CCAR2: variants seen among roughly 807,000 people sequenced by gnomAD.
The protein encoded by CCAR2 is cell cycle and apoptosis regulator 2.
Under a neutral mutation model 108.1 loss-of-function variants are expected in CCAR2, and 21 were observed. The observed-to-expected ratio is 0.19, with a 90% CI of 0.14 to 0.28. The LOEUF is 0.28. CCAR2 is among the 10% of genes least tolerant of loss of function. CCAR2 has a pLI of 1.00. For synonymous variants in CCAR2, 577 were observed against 472.8 expected, an observed-to-expected ratio of 1.22 and a Z score of -2.86; for missense variants, 1,126 against 1,177.0, an observed-to-expected ratio of 0.96 and a Z score of 0.63.
rs1563921037 is a variant in CCAR2, at chr8:22,615,728, C to G, written c.1424C>G (p.Ala475Gly). The G allele has an allele frequency of 1.9e-6, 3 of 1,613,810 alleles. No individual in the cohort carries two copies. The highest frequency in any genetic ancestry group is 1.7e-5 in the Admixed American group (1 of 60,018). ...EQAPDALEQA[A>G]DTSRRNAETP... ...GCACCTGATGCCTTGGAGCAAGCAG[C>G]AGACACTTCTAGACGGAACGCAGAA... The change falls in exon 13 of 21, where the codon GCA (alanine) becomes GGA (glycine). Residue 475 changes from alanine to glycine, a missense_variant. Coordinates refer to ENST00000308511, the MANE Select transcript of CCAR2 (RefSeq NM_001393997.1).
chr8:22,619,879 C>A lies in CCAR2; in HGVS notation c.*197C>A, dbSNP rs1801696083. The A allele has an allele frequency of 1.7e-6, 1 of 598,970 alleles. No homozygotes were observed. Among genetic ancestry groups the A allele is most frequent in the Admixed American group, 2.9e-5 (1 of 34,496 alleles). 37.1% of individuals were successfully genotyped at this position (598,970 alleles called of 1,614,324 possible). On this transcript the variant is annotated 3_prime_UTR_variant, in exon 21 of 21. Transcript: ENST00000308511. Reference sequence around the variant, plus strand: ...ATGTGGGATGGATGTGTGAGGAACCCCGGTTCCACTTAACAACTAAATACA... The same window carrying A: ...ATGTGGGATGGATGTGTGAGGAACCACGGTTCCACTTAACAACTAAATACA...
At chr8:22,619,567 C>T (rs1033621716) in intron 20 of CCAR2, 71 bp from the exon 21 acceptor site, 65 of 1,355,190 alleles carry the variant, frequency 4.8e-5, no homozygotes, top group Non-Finnish European at 6.3e-5. Flanking sequence ...CAGCAGGAGG[C>T]AGTCCGCAGT....
At position 22,617,534 on chromosome 8, in the gene CCAR2, C is replaced by T. The variant is rs372091834; in HGVS notation, c.1960C>T (p.Leu654Phe). The T allele has an allele frequency of 1.2e-6, 2 of 1,601,652 alleles. No individual in the cohort carries two copies. Among genetic ancestry groups the T allele is most frequent in the Non-Finnish European group, 1.7e-6 (2 of 1,173,408 alleles). The change falls in exon 15 of 21, where the codon CTT becomes TTT. Residue 654 changes from leucine to phenylalanine, a missense_variant. Transcript: ENST00000308511. Reference sequence around the variant, plus strand: ...GATGGCCCTGGACCCAGAACTGTTGCTTCTGAGGGATGATGGAGAGGAGGA... The same window carrying T: ...GATGGCCCTGGACCCAGAACTGTTGTTTCTGAGGGATGATGGAGAGGAGGA... ...CEMALDPELL[L>F]LRDDGEEEFA...
intron 7 of CCAR2, among the ~76,000 whole-genome samples, chr8:22,608,526 C>T (rs1801164851): frequency 6.6e-6 from 1 of 152,148 alleles, no homozygotes; most frequent in African/African-American, 2.4e-5. Context: ...TGCACTCTGC[C>T]TGGGAGTTCA....
chr8:22,618,188 T>G, intron 16 of CCAR2, 161 bp from the exon 17 acceptor site: 1 of 891,186 alleles, frequency 1.1e-6, no homozygotes, highest in Non-Finnish European at 1.8e-6. Flanking sequence ...ACTCCTGGGT[T>G]CAAGTGATTC....
In CCAR2 at chr8:22,615,819, A is replaced by G. The variant is rs942846555; in HGVS notation, c.1515A>G (p.Leu505=). 4 of 1,613,952 alleles carry G rather than the reference A, an allele frequency of 2.5e-6. No individual in the cohort carries two copies. The highest frequency in any genetic ancestry group is 3.3e-5 in the Admixed American group (2 of 60,016). ...TDLPEAPPPP[L]EPAVIARPGC... is the part of the protein sequence containing the mutation. ...TCCCAGAGGCCCCTCCACCCCCCCT[A>G]GAACCTGCTGTCATCGCACGCCCTG... is the stretch of plus-strand genomic sequence containing the variant. The change falls in exon 13 of 21, where the codon CTA becomes CTG. Residue 505 remains leucine (L), a synonymous_variant. Coordinates refer to ENST00000308511, the MANE Select transcript of CCAR2 (RefSeq NM_001393997.1).
chr8:22,608,152 A>G (rs1438810318), intron 7 of CCAR2, 87 bp downstream of exon 7: 4 of 1,100,862 alleles, frequency 3.6e-6, no homozygotes, highest in Non-Finnish European at 4.0e-6. Context: ...TTGGCCAGGA[A>G]GTGAACCCAG....
rs1563920406 is a variant in CCAR2 at position 22,615,513 on chromosome 8, A to G, written c.1294A>G (p.Ile432Val). 1 of 1,613,988 alleles carries G rather than the reference A, an allele frequency of 6.2e-7. No individual in the cohort carries two copies. The highest frequency in any genetic ancestry group is 8.5e-7 in the Non-Finnish European group (1 of 1,180,018). ...GGTGTACCTGCCGGATGTCTGGACCATCATGCCTACTTTGGAGGAGTGGGA... is the reference window on the plus strand; with the variant it reads ...GGTGTACCTGCCGGATGTCTGGACCGTCATGCCTACTTTGGAGGAGTGGGA... ...VVVYLPDVWT[I>V]MPTLEEWEAL... Residue 432 changes from isoleucine to valine, a missense_variant, in exon 12 of 21, where the codon ATC (isoleucine) becomes GTC (valine). By Grantham distance (29) the Ile-to-Val change is conservative (BLOSUM62 3). Around this residue, in one of 4 missense-constraint regions of CCAR2, gnomAD observed 1,013 missense variants for 993.9 expected, o/e 1.02. Transcript: ENST00000308511.
rs1563899859 is a variant in CCAR2 at position 22,604,851 on chromosome 8, G to C, written c.-39+9G>C. 2.2e-6 allele frequency: 1 copy of C among 452,738 alleles called. No homozygotes were observed. The highest frequency in any genetic ancestry group is 4.4e-6 in the Non-Finnish European group (1 of 225,630). The allele number at this position is 452,738 out of a possible 1,614,324, so 28.0% of individuals were successfully genotyped here. A position where few individuals can be genotyped will look rare whatever the true frequency, so the allele number is the denominator to read the frequency against. ...GCTGCCCTGGCCCGCAGGTGGGTTGGGGGGCCCCCTGCCGCCCCTCTGCCC... is the reference window on the plus strand; with the variant it reads ...GCTGCCCTGGCCCGCAGGTGGGTTGCGGGGCCCCCTGCCGCCCCTCTGCCC... On this transcript the variant is annotated intron_variant, in intron 1 of 20. Transcript: ENST00000308511.
intron 7 of CCAR2, among the ~76,000 whole-genome samples, chr8:22,611,416 A>ATGTGTGTG (rs1563912430): frequency 6.9e-5 from 4 of 58,392 alleles, no homozygotes; most frequent in Non-Finnish European, 1.0e-4. Context: ...ATGTGTGTGT[A>ATGTGTGTG]TATATGTGTG....
chr8:22,613,272 G>A (rs1381889916), intron 8 of CCAR2, 136 bp downstream of exon 8: 17 of 902,354 alleles, frequency 1.9e-5, no homozygotes, highest in Admixed American at 4.1e-5. Context: ...ATGGAAACCT[G>A]TTGTACATAC....
Position 22,619,362 on chromosome 8 carries a change from T to C in CCAR2, c.2727+7T>C. On this transcript the variant is annotated splice_region_variant and intron_variant, in intron 20 of 20. Coordinates refer to ENST00000308511, the MANE Select transcript of CCAR2 (RefSeq NM_001393997.1). ...CCAGCGGGTGGTGGAAAAGGTAAGG[T>C]GGGGGTGGACCAGGAGGCAGCACAG... The C allele has an allele frequency of 1.3e-6, 2 of 1,554,754 alleles. No homozygotes were observed. Among genetic ancestry groups the C allele is most frequent in the South Asian group, 2.4e-5 (2 of 84,430 alleles).
chr8:22,608,598 A>G (rs1801166596), intron 7 of CCAR2, among the ~76,000 whole-genome samples: 1 of 152,166 alleles, frequency 6.6e-6, no homozygotes, highest in African/African-American at 2.4e-5. Context: ...AGCATGGCTG[A>G]TTTGGGCCTT....
At chr8:22,607,355 T>C in intron 6 of CCAR2, 30 bp downstream of exon 6, 4 of 1,604,662 alleles carry the variant, frequency 2.5e-6, no homozygotes, top group Non-Finnish European at 3.4e-6. Flanking sequence ...TTGTTGGGTG[T>C]GGCATTATGG....
intron 14 of CCAR2, 177 bp downstream of exon 14, chr8:22,616,425 A>G: frequency 1.6e-6 from 1 of 628,946 alleles, no homozygotes; most frequent in Non-Finnish European, 2.8e-6. Context: ...GGTGGCGCAG[A>G]GTGCAGGGAG....
Position 22,606,114 on chromosome 8 carries a change from C to T in CCAR2, c.88C>T (p.Pro30Ser). The T allele has an allele frequency of 6.2e-7, 1 of 1,614,116 alleles. No homozygotes were observed. The highest frequency in any genetic ancestry group is 8.5e-7 in the Non-Finnish European group (1 of 1,179,982). ...GTASTSLLGPPPGLLTPPVAT... is the reference protein window; with the variant it reads ...GTASTSLLGPSPGLLTPPVAT... ...AGCTTCAACATCTCTTCTGGGCCCT[C>T]CTCCTGGTTTGCTCACTCCTCCTGT... The change falls in exon 3 of 21, where the codon CCT (proline) becomes TCT (serine). Residue 30 changes from proline (P) to serine (S), a missense_variant. Around this residue, in one of 4 missense-constraint regions of CCAR2, gnomAD observed 52 missense variants for 63.7 expected, o/e 0.82. Transcript: ENST00000308511.
intron 6 of CCAR2, 72 bp downstream of exon 6, chr8:22,607,397 T>G (rs1665761376): frequency 1.3e-6 from 2 of 1,576,464 alleles, no homozygotes; most frequent in South Asian, 2.3e-5. Flanking sequence ...TTCAGGTTGC[T>G]GCTCTTAGCA....
Position 22,614,936 on chromosome 8 carries a change from G to A in CCAR2, c.1140G>A (p.Leu380=), listed in dbSNP as rs1310998234. The part of the protein sequence containing the change: ...GLDPQADPQV[L]VRTAIRCAQA... Reference sequence around the variant, plus strand: ...ACCCCCAGGCTGACCCGCAGGTGCTGGTGCGTACCGCCATCCGCTGTGCGC... The same window carrying A: ...ACCCCCAGGCTGACCCGCAGGTGCTAGTGCGTACCGCCATCCGCTGTGCGC... Residue 380 remains leucine, a synonymous_variant, in exon 11 of 21, where the codon CTG becomes CTA. Transcript: ENST00000308511. 2 of 1,612,380 alleles carry A rather than the reference G, an allele frequency of 1.2e-6. No homozygotes were observed. The highest frequency in any genetic ancestry group is 1.7e-6 in the Non-Finnish European group (2 of 1,179,420).
In CCAR2 at chr8:22,616,004, C is replaced by T. The variant is rs1025820775; in HGVS notation, c.1609-8C>T. On this transcript the variant is annotated splice_region_variant and splice_polypyrimidine_tract_variant and intron_variant, in intron 13 of 20. Transcript: ENST00000308511. The stretch of plus-strand genomic sequence containing the variant: ...TGATGCTCATGGACCCTCCCACCTC[C>T]CCATCAGGTGATGGTGCTGGCCGAG... 2 of 1,613,696 alleles carry T rather than the reference C, an allele frequency of 1.2e-6. No individual in the cohort carries two copies. The highest frequency in any genetic ancestry group is 1.7e-6 in the Non-Finnish European group (2 of 1,179,668).
Sources: gnomAD v4.1 joint callset for allele counts (sites outside exome capture counted in the v4.1 genomes callset) on GRCh38, gnomAD v4.1.1 for gene constraint, gnomAD v4.1.1 regional missense constraint, MANE v1.5 for transcripts, NCBI Gene and HGNC (gene_info 2026-07-23, HGNC 2026-07-21) for gene names.